Variants in FOXN3 observed in about 807,000 individuals in gnomAD.
FOXN3 encodes forkhead box protein N3.
A neutral mutation model predicts 38.4 loss-of-function variants in FOXN3; 7 were observed. The observed-to-expected ratio is 0.18, with a 90% CI of 0.10 to 0.34. The LOEUF (loss-of-function observed/expected upper bound fraction) is 0.34, where lower values mean the gene tolerates loss of function less well. FOXN3 is among the 10% of genes least tolerant of loss of function. The pLI is 1.00. For missense variants in FOXN3, 456 were observed against 613.4 expected (o/e 0.74, Z 2.71); for synonymous variants, 230 against 242.2 (o/e 0.95, Z 0.47).
At chr14:89,356,148 A>G (rs562736303) in intron 2 of FOXN3, among the ~76,000 whole-genome samples, 78 of 152,320 alleles carry the variant, frequency 5.1e-4, no homozygotes, top group African/African-American at 1.8e-3. Context: ...CTGTAATCCC[A>G]GCACTTTGGG....
At chr14:89,571,484 G>A (rs1895489020) in intron 1 of FOXN3, among the ~76,000 whole-genome samples, 2 of 151,476 alleles carry the variant, frequency 1.3e-5, no homozygotes, top group African/African-American at 4.9e-5. Flanking sequence ...ACTCCAGCCT[G>A]GGCAGGAGAG....
At chr14:89,397,945 T>C (rs986480802) in intron 2 of FOXN3, among the ~76,000 whole-genome samples, 6 of 152,172 alleles carry the variant, frequency 3.9e-5, no homozygotes, top group Admixed American at 2.6e-4. Context: ...TATGCGTCCC[T>C]ACCTCTGGAC....
chr14:89,396,013 G>A (rs1254437654), intron 2 of FOXN3, among the ~76,000 whole-genome samples: 2 of 152,132 alleles, frequency 1.3e-5, no homozygotes, highest in Non-Finnish European at 2.9e-5. Flanking sequence ...AAGGATCTGT[G>A]TGGATTTCAT....
chr14:89,434,324 T>C (rs1892230327), intron 1 of FOXN3, among the ~76,000 whole-genome samples: 1 of 150,492 alleles, frequency 6.6e-6, no homozygotes, highest in Non-Finnish European at 1.5e-5. Flanking sequence ...ACCTCCCGGA[T>C]TCAAGTGATT....
chr14:89,267,522 C>A (rs545962330), intron 4 of FOXN3, among the ~76,000 whole-genome samples: 14 of 152,276 alleles, frequency 9.2e-5, no homozygotes, highest in Admixed American at 7.2e-4. Flanking sequence ...ATTAGTCTAG[C>A]ATGCCTTTGC....
At chr14:89,530,799 G>A in intron 1 of FOXN3, among the ~76,000 whole-genome samples, 1 of 150,116 alleles carries the variant, frequency 6.7e-6, no homozygotes, top group African/African-American at 2.4e-5. Flanking sequence ...TAGTAGAGAT[G>A]GGGTTTCACC....
At chr14:89,424,056 C>T (rs946155614) in intron 1 of FOXN3, among the ~76,000 whole-genome samples, 2 of 152,168 alleles carry the variant, frequency 1.3e-5, no homozygotes, top group Non-Finnish European at 2.9e-5. Context: ...CTGAAGGAAG[C>T]AACAATGTAT....
chr14:89,315,715 T>C (rs1370487387), intron 3 of FOXN3, among the ~76,000 whole-genome samples: 3 of 152,328 alleles, frequency 2.0e-5, no homozygotes, highest in Admixed American at 6.5e-5. Context: ...CTATATTGCA[T>C]ACCAGCTCTG....
intron 4 of FOXN3, among the ~76,000 whole-genome samples, chr14:89,192,234 A>G (rs1353145255): frequency 6.8e-6 from 1 of 146,866 alleles, no homozygotes; most frequent in African/African-American, 2.5e-5. Flanking sequence ...TATATTAAGT[A>G]TATTATATTA....
intron 3 of FOXN3, among the ~76,000 whole-genome samples, chr14:89,335,083 A>T (rs1377997052): frequency 3.7e-4 from 4 of 10,814 alleles, no homozygotes; most frequent in South Asian, 2.7e-3. Context: ...CATATCACAC[A>T]CACACACACA....
At chr14:89,388,044 C>T (rs914916473) in intron 2 of FOXN3, among the ~76,000 whole-genome samples, 4 of 152,106 alleles carry the variant, frequency 2.6e-5, no homozygotes, top group South Asian at 2.1e-4. Context: ...TTAGCCTAGG[C>T]GTGGTGGCGT....
intron 2 of FOXN3, chr14:89,354,979 C>T (rs1889148934): frequency 6.6e-6 from 1 of 151,836 alleles, no homozygotes; most frequent in Admixed American, 6.6e-5. Context: ...TTCACACTCA[C>T]ATTTTTGTGT....
chr14:89,208,087 T>C (rs1484146095), intron 4 of FOXN3, among the ~76,000 whole-genome samples: 4 of 152,192 alleles, frequency 2.6e-5, no homozygotes, highest in African/African-American at 4.8e-5. Flanking sequence ...GGGAGTGCCA[T>C]TATCTTTAAC....
At chr14:89,263,958 CAGG>C (rs1885887620) in intron 4 of FOXN3, 1 of 152,254 alleles carries the variant, frequency 6.6e-6, no homozygotes, top group Non-Finnish European at 1.5e-5. Context: ...GAGGCTGAGG[CAGG>C]AGAATCTTGC....
chr14:89,162,702 C>G lies in FOXN3; in HGVS notation c.1119G>C (p.Glu373Asp). 3.1e-6 allele frequency: 5 copies of G among 1,614,080 alleles called. No homozygotes were observed. Among genetic ancestry groups the G allele is most frequent in the Middle Eastern group, 3.3e-4 (2 of 6,062 alleles). Residue 373 changes from glutamate to aspartate, a missense_variant, in exon 6 of 6, where the codon GAG becomes GAC. By Grantham distance (45) the Glu-to-Asp change is conservative. Around this residue, in one of 3 missense-constraint regions of FOXN3, gnomAD observed 386 missense variants for 505.2 expected, o/e 0.76. Transcript: ENST00000557258. The surrounding 1 kb of genome is among the most constrained non-coding windows in gnomAD (Gnocchi z 7.2). ...CCTTCTGGCTGTGCTTCCTGTCGTC[C>G]TCTTCCGTGTCGCTGGGGCTCTCGT... ...RSHESPSDTE[E>D]DDRKHSQKEP...
intron 1 of FOXN3, among the ~76,000 whole-genome samples, chr14:89,507,373 T>G (rs1893965547): frequency 6.6e-6 from 1 of 152,198 alleles, no homozygotes; most frequent in Non-Finnish European, 1.5e-5. Context: ...TGGAGACTGC[T>G]TTCTATTAGA....
chr14:89,291,438 T>C (rs1446529622), intron 3 of FOXN3: 2 of 610,704 alleles, frequency 3.3e-6, no homozygotes, highest in Non-Finnish European at 6.4e-6. Flanking sequence ...ATGCTGTTCA[T>C]CAGCTTATCA....
At chr14:89,500,180 C>A (rs1893767422) in intron 1 of FOXN3, among the ~76,000 whole-genome samples, 1 of 152,108 alleles carries the variant, frequency 6.6e-6, no homozygotes, top group African/African-American at 2.4e-5. Context: ...CCATGAATTT[C>A]ATTTACGGGC....
At chr14:89,189,712 C>T (rs1042958990) in intron 4 of FOXN3, among the ~76,000 whole-genome samples, 1 of 152,194 alleles carries the variant, frequency 6.6e-6, no homozygotes, top group African/African-American at 2.4e-5. Context: ...ATGGTAAAAA[C>T]CTCAGGTGGT....
Sources: gnomAD v4.1 joint callset for allele counts (sites outside exome capture counted in the v4.1 genomes callset) on GRCh38, gnomAD v4.1.1 for gene constraint, gnomAD v4.1.1 regional missense constraint, Gnocchi (gnomAD v3.1) non-coding constraint, MANE v1.5 for transcripts, NCBI Gene and HGNC (gene_info 2026-07-23, HGNC 2026-07-21) for gene names.